Variants in NLN observed in about 807,000 individuals in gnomAD.
NLN encodes the protein neurolysin, mitochondrial.
NLN carries 64 observed loss-of-function variants against 79.9 expected under a neutral mutation model. The ratio of observed to expected loss-of-function variants is 0.80; its 90% CI spans 0.65 to 0.99. The LOEUF (loss-of-function observed/expected upper bound fraction) is 0.99, where lower values mean the gene tolerates loss of function less well. Ranked by LOEUF, NLN falls within the 50% of genes least tolerant of loss-of-function variation. The pLI, the probability that NLN is intolerant of heterozygous loss-of-function variation, is 0.00. For synonymous variants in NLN, 267 were observed against 296.6 expected (o/e 0.90, Z 1.02); for missense variants, 835 against 858.7 (o/e 0.97, Z 0.34).
chr5:65,739,094 G>A (rs1040894583), intron 1 of NLN, among the ~76,000 whole-genome samples: 9 of 127,144 alleles, frequency 7.1e-5, no homozygotes, highest in Non-Finnish European at 1.4e-4. Flanking sequence ...GTAGAGATGG[G>A]GTTTCACCAT....
At chr5:65,819,994 GA>G (rs910942926) in intron 12 of NLN, among the ~76,000 whole-genome samples, 7 of 152,286 alleles carry the variant, frequency 4.6e-5, no homozygotes, top group African/African-American at 1.7e-4. Flanking sequence ...ATAGGCAGAG[GA>G]AGATTTGAGC....
intron 1 of NLN, 83 bp downstream of exon 1, chr5:65,722,497 CT>C: frequency 7.9e-7 from 1 of 1,259,664 alleles, no homozygotes. Context: ...GGACCCACCC[CT>C]TCCCGACCGC....
At chr5:65,753,661 A>AG (rs1759152351) in intron 1 of NLN, among the ~76,000 whole-genome samples, 1 of 152,082 alleles carries the variant, frequency 6.6e-6, no homozygotes, top group Non-Finnish European at 1.5e-5. Context: ...AAAAAAAAAA[A>AG]AAAACCTGAA....
chr5:65,730,844 G>A (rs1421632327), intron 1 of NLN, among the ~76,000 whole-genome samples: 1 of 152,190 alleles, frequency 6.6e-6, no homozygotes, highest in South Asian at 2.1e-4. Flanking sequence ...GAGCCACCGT[G>A]CCTGGCCTGT....
rs1458385289 is a variant in NLN, at chr5:65,828,320, A to T, written c.*5405A>T. ...CAGTGTAAGATCAATTACTGTTGGA[A>T]TATTGTGTTCCTTTCTAGATATCAC... On this transcript the variant is annotated 3_prime_UTR_variant, in exon 13 of 13. Coordinates refer to ENST00000380985, the MANE Select transcript of NLN (RefSeq NM_020726.5). The T allele has an allele frequency of 6.6e-6, 1 of 152,230 alleles. No homozygotes were observed. The highest frequency in any genetic ancestry group is 1.5e-5 in the Non-Finnish European group (1 of 68,040). The allele number at this position is 152,230 out of a possible 1,614,324, so 9.4% of individuals were successfully genotyped here.
intron 2 of NLN, among the ~76,000 whole-genome samples, chr5:65,759,398 GTC>G (rs200433373): frequency 1.8e-4 from 18 of 99,834 alleles, no homozygotes; most frequent in African/African-American, 6.4e-4. Flanking sequence ...GTGTGTGTGT[GTC>G]TGTGTGTGTG....
chr5:65,803,778 G>C (rs1447724666), intron 9 of NLN, among the ~76,000 whole-genome samples: 1 of 152,184 alleles, frequency 6.6e-6, no homozygotes, highest in African/African-American at 2.4e-5. Flanking sequence ...GCCCAGGAGG[G>C]TGAGGCTCTT....
rs773300050 is a variant in NLN, at chr5:65,788,192, T to C, written c.1033T>C (p.Cys345Arg). ...EFILNLKKKE[C>R]KDRGFEYDGK... ...TATTTTGAATTTGAAGAAAAAGGAA[T>C]GCAAAGACAGGGGTTTTGAATATGA... Residue 345 changes from cysteine (C) to arginine (R), a missense_variant, in exon 8 of 13, where the codon TGC becomes CGC. Coordinates refer to ENST00000380985, the MANE Select transcript of NLN (RefSeq NM_020726.5). 18 of 1,613,992 alleles carry C rather than the reference T, an allele frequency of 1.1e-5. No individual in the cohort carries two copies. Among genetic ancestry groups the C allele is most frequent in the South Asian group, 3.3e-5 (3 of 91,094 alleles).
chr5:65,808,677 T>G (rs1760475907), intron 9 of NLN, among the ~76,000 whole-genome samples: 1 of 152,248 alleles, frequency 6.6e-6, no homozygotes, highest in Non-Finnish European at 1.5e-5. Flanking sequence ...CTTTTGTTTT[T>G]TTAACTCTTA....
chr5:65,776,546 C>T (rs1170608385), intron 3 of NLN, among the ~76,000 whole-genome samples: 5 of 152,106 alleles, frequency 3.3e-5, no homozygotes, highest in Non-Finnish European at 7.4e-5. Context: ...GAAACAAGTC[C>T]CTCATTGGCT....
At chr5:65,763,872 A>G (rs532308204) in intron 3 of NLN, among the ~76,000 whole-genome samples, 2 of 152,244 alleles carry the variant, frequency 1.3e-5, no homozygotes, top group South Asian at 2.1e-4. Flanking sequence ...TGTATATCCT[A>G]TTTTCTCATA....
chr5:65,800,569 G>A (rs1185321723), intron 9 of NLN, among the ~76,000 whole-genome samples: 1 of 152,102 alleles, frequency 6.6e-6, no homozygotes, highest in Non-Finnish European at 1.5e-5. Context: ...CAGCTACTCG[G>A]GAGGCAGGAG....
In NLN at chr5:65,809,635, A is replaced by C; in HGVS notation, c.1648A>C (p.Lys550Gln). 1.2e-6 allele frequency: 2 copies of C among 1,614,074 alleles called. No individual in the cohort carries two copies. Among genetic ancestry groups the C allele is most frequent in the Non-Finnish European group, 1.7e-6 (2 of 1,180,000 alleles). ...CCTCCGAAGATTGTCAAAACATTAT[A>C]AAGATGGAAGCCCTATTGCAGACGA... Reference protein sequence around the residue: ...DSLRRLSKHYKDGSPIADDLL... With the variant: ...DSLRRLSKHYQDGSPIADDLL... Residue 550 changes from lysine to glutamine, a missense_variant, in exon 10 of 13, where the codon AAA (lysine) becomes CAA (glutamine). Lys to Gln is a moderately conservative substitution (Grantham distance 53). Coordinates refer to ENST00000380985, the MANE Select transcript of NLN (RefSeq NM_020726.5).
intron 12 of NLN, among the ~76,000 whole-genome samples, chr5:65,819,555 G>T (rs1760748726): frequency 6.6e-6 from 1 of 152,142 alleles, no homozygotes; most frequent in Non-Finnish European, 1.5e-5. Context: ...AATCTTCTAG[G>T]ATTAAAAAAG....
intron 1 of NLN, among the ~76,000 whole-genome samples, chr5:65,748,281 G>T (rs910810646): frequency 1.3e-5 from 2 of 152,122 alleles, no homozygotes; most frequent in African/African-American, 4.8e-5. Context: ...AGAAAATAGA[G>T]GGATTAAAGG....
At chr5:65,735,358 G>A (rs949002720) in intron 1 of NLN, among the ~76,000 whole-genome samples, 1 of 152,174 alleles carries the variant, frequency 6.6e-6, no homozygotes, top group Admixed American at 6.5e-5. Flanking sequence ...CACCTATTAT[G>A]TTGTTGAATC....
At chr5:65,803,069 G>C (rs1242402828) in intron 9 of NLN, among the ~76,000 whole-genome samples, 1 of 152,220 alleles carries the variant, frequency 6.6e-6, no homozygotes, top group Non-Finnish European at 1.5e-5. Flanking sequence ...GCTGAGTCCA[G>C]TGTTTTTATG....
At chr5:65,815,286 C>T (rs1019209386) in intron 12 of NLN, among the ~76,000 whole-genome samples, 4 of 152,190 alleles carry the variant, frequency 2.6e-5, no homozygotes, top group African/African-American at 7.2e-5. Context: ...CCTGTGGTTC[C>T]AAGGAACTTG....
Position 65,812,393 on chromosome 5 carries a change from T to TTGGAATGAAATACAG in NLN, c.1980+2_1980+3insTGGAATGAAATACAG. ...AAAGAAGGGATAATGAATCCAGAGGTATAGTATTATTTTTCTCCTTTTATT... is the reference window on the plus strand; with the variant it reads ...AAAGAAGGGATAATGAATCCAGAGGTTGGAATGAAATACAGATAGTATTATTTTTCTCCTTTTATT... On this transcript the variant is annotated splice_region_variant and intron_variant, in intron 12 of 12. Transcript: ENST00000380985. 6.6e-7 allele frequency: 1 copy of TTGGAATGAAATACAG among 1,503,948 alleles called. No homozygotes were observed. The highest frequency in any genetic ancestry group is 9.2e-7 in the Non-Finnish European group (1 of 1,084,864). The allele number at this position is 1,503,948 out of a possible 1,614,324, so 93.2% of individuals were successfully genotyped here.
Sources: gnomAD v4.1 joint callset for allele counts (sites outside exome capture counted in the v4.1 genomes callset) on GRCh38, gnomAD v4.1.1 for gene constraint, MANE v1.5 for transcripts, NCBI Gene and HGNC (gene_info 2026-07-23, HGNC 2026-07-21) for gene names.